BFSP1: variants seen among roughly 807,000 people sequenced by gnomAD.
The protein encoded by BFSP1 is beaded filament structural protein 1, also known as filensin.
Under a neutral mutation model 43.9 loss-of-function variants are expected in BFSP1, and 38 were observed. The observed-to-expected ratio is 0.87, with a 90% CI of 0.67 to 1.14. The LOEUF is 1.14. Among genes scored for constraint, BFSP1 ranks in the 50% most tolerant of loss-of-function variants. BFSP1 has a pLI of 0.00. For missense variants in BFSP1, 850 were observed against 875.1 expected, an observed-to-expected ratio of 0.97 and a Z score of 0.36; for synonymous variants, 352 against 354.8, an observed-to-expected ratio of 0.99 and a Z score of 0.09.
chr20:17,558,070 A>G (rs1293666888), intron 1 of BFSP1, among the ~76,000 whole-genome samples: 1 of 152,118 alleles, frequency 6.6e-6, no homozygotes, highest in Middle Eastern at 3.2e-3. Flanking sequence ...CTGATATTCC[A>G]GATTCCTTAC....
chr20:17,548,997 G>A (rs1463163336), intron 1 of BFSP1, among the ~76,000 whole-genome samples: 1 of 152,116 alleles, frequency 6.6e-6, no homozygotes, highest in Admixed American at 6.6e-5. Flanking sequence ...TTTTTGTAGA[G>A]ATAGAGTCTC....
At chr20:17,541,137 C>T (rs985498034) in intron 1 of BFSP1, 1 of 457,316 alleles carries the variant, frequency 2.2e-6, no homozygotes, top group Non-Finnish European at 2.9e-6. Context: ...CTGCAGTGAG[C>T]AATGATCATT....
At chr20:17,516,270 T>C (rs1418007865) in intron 2 of BFSP1, among the ~76,000 whole-genome samples, 1 of 152,208 alleles carries the variant, frequency 6.6e-6, no homozygotes, top group Admixed American at 6.5e-5. Context: ...GAGGTTGCAG[T>C]GAGCCAAGAT....
chr20:17,561,485 C>T (rs185482028), upstream of BFSP1, among the ~76,000 whole-genome samples: 338 of 149,300 alleles, frequency 2.3e-3, 4 homozygotes, highest in African/African-American at 7.8e-3. Flanking sequence ...GGCAACAGAG[C>T]GAAACTCCGC....
At chr20:17,533,880 A>G (rs190789440), upstream of BFSP1, among the ~76,000 whole-genome samples, 3 of 152,388 alleles carry the variant, frequency 2.0e-5, no homozygotes, top group African/African-American at 7.2e-5. Context: ...TCAGAGTTAA[A>G]TATTGCACAA....
At chr20:17,496,608 A>G (rs1217221632) in intron 7 of BFSP1, among the ~76,000 whole-genome samples, 1 of 152,200 alleles carries the variant, frequency 6.6e-6, no homozygotes, top group Non-Finnish European at 1.5e-5. Flanking sequence ...ATTGAGTTGT[A>G]CTTTTTGCCC....
At chr20:17,551,266 T>C (rs1463033750) in intron 1 of BFSP1, among the ~76,000 whole-genome samples, 5 of 152,178 alleles carry the variant, frequency 3.3e-5, no homozygotes, top group Admixed American at 6.5e-5. Flanking sequence ...TTTTTACTCA[T>C]GGTAGAAGGC....
rs188929825 is a variant in BFSP1 at position 17,541,272 on chromosome 20, G to A, written c.3-16364C>T. On this transcript the variant is annotated intron_variant, in intron 1 of 7. Transcript: ENST00000377868. ...AAAAGATAAAGTTTTTGCATGTTGG[G>A]AGGTTTGTCATGAAACTCTTAAATG... 7.9e-5 allele frequency: 78 copies of A among 982,776 alleles called. 2 individuals carry two copies. The African/African-American group carries it at 1.2e-3, about 15-fold the overall frequency. 60.9% of individuals were successfully genotyped at this position (982,776 alleles called of 1,614,324 possible).
upstream of BFSP1, among the ~76,000 whole-genome samples, chr20:17,533,025 C>T (rs181116722): frequency 3.0e-4 from 46 of 152,214 alleles, 1 homozygote; most frequent in African/African-American, 1.0e-3. Flanking sequence ...GTGCTGGTGG[C>T]ATGGTTATTG....
chr20:17,494,037 G>T lies in BFSP1; in HGVS notation c.*37C>A. The T allele has an allele frequency of 2.0e-6, 3 of 1,531,602 alleles. No homozygotes were observed. The highest frequency in any genetic ancestry group is 1.4e-5 in the African/African-American group (1 of 72,494). 94.9% of individuals were successfully genotyped at this position (1,531,602 alleles called of 1,614,324 possible). A position where few individuals can be genotyped will look rare whatever the true frequency, so the allele number is the denominator to read the frequency against. ...ATATCAAAGCATTACCCCTACAGTG[G>T]CCCCAAATACATTTTATCCCATCAA... On this transcript the variant is annotated 3_prime_UTR_variant, in exon 8 of 8. Coordinates refer to ENST00000377873, the MANE Select transcript of BFSP1 (RefSeq NM_001195.5).
At chr20:17,511,898 C>G (rs1365513858) in intron 4 of BFSP1, 78 bp downstream of exon 4, 2 of 1,353,022 alleles carry the variant, frequency 1.5e-6, no homozygotes, top group Non-Finnish European at 2.1e-6. Flanking sequence ...ACAGTCCAAC[C>G]TGTGAGCCCT....
chr20:17,561,989 C>T (rs1288468692), upstream of BFSP1, among the ~76,000 whole-genome samples: 1 of 151,906 alleles, frequency 6.6e-6, no homozygotes, highest in African/African-American at 2.4e-5. Flanking sequence ...GGCGCGATCT[C>T]GGCTCACTGC....
intron 1 of BFSP1, among the ~76,000 whole-genome samples, chr20:17,556,857 T>TC (rs1043063902): frequency 6.6e-6 from 1 of 151,722 alleles, no homozygotes; most frequent in Non-Finnish European, 1.5e-5. Context: ...AACATTTTTT[T>TC]CCCCTGATAA....
At chr20:17,512,163 G>T (rs1339773768) in intron 3 of BFSP1, 95 bp from the exon 4 acceptor site, 2 of 940,734 alleles carry the variant, frequency 2.1e-6, no homozygotes, top group African/African-American at 1.6e-5. Flanking sequence ...ACTTCCGCAC[G>T]CTCCCTCATC....
intron 1 of BFSP1, among the ~76,000 whole-genome samples, chr20:17,526,194 C>G (rs548278973): frequency 5.0e-5 from 6 of 119,080 alleles, no homozygotes; most frequent in Non-Finnish European, 9.7e-5. Context: ...AATTTACCAA[C>G]TTAACCATTT....
At chr20:17,550,069 C>A (rs146300609) in intron 1 of BFSP1, among the ~76,000 whole-genome samples, 1 of 152,054 alleles carries the variant, frequency 6.6e-6, no homozygotes, top group Non-Finnish European at 1.5e-5. Context: ...TAGTACCACT[C>A]GGGATTGCTT....
intron 1 of BFSP1, among the ~76,000 whole-genome samples, chr20:17,567,052 G>C (rs1457144879): frequency 6.6e-6 from 1 of 152,072 alleles, no homozygotes; most frequent in African/African-American, 2.4e-5. Context: ...CATCACATTG[G>C]GGATTACCTT....
chr20:17,534,952 T>A (rs965251813), upstream of BFSP1, among the ~76,000 whole-genome samples: 80 of 151,932 alleles, frequency 5.3e-4, no homozygotes, highest in African/African-American at 1.9e-3. Context: ...TCCGGAGGGG[T>A]AGAGGTTGCA....
chr20:17,524,099 G>A lies in BFSP1; in HGVS notation c.438+749C>T, dbSNP rs933129564. 1.7e-4 allele frequency among the ~76,000 whole-genome samples: 26 copies of A among 152,144 alleles called. 1 individual carries two copies. The highest frequency in any genetic ancestry group is 2.0e-4 in the Admixed American group (3 of 15,270). The stretch of plus-strand genomic sequence containing the variant: ...TTCCACTAAATAGTCTCCATGGGTC[G>A]TTCTGCTCTGACATTGGAGCTCAAA... On this transcript the variant is annotated intron_variant, in intron 2 of 7. Coordinates refer to ENST00000377873, the MANE Select transcript of BFSP1 (RefSeq NM_001195.5).
Sources: allele counts gnomAD v4.1 joint callset (sites outside exome capture counted in the v4.1 genomes callset), GRCh38; gene constraint gnomAD v4.1.1; transcripts MANE v1.5; gene names NCBI Gene and HGNC (gene_info 2026-07-23, HGNC 2026-07-21).